RBX1: variants seen among roughly 807,000 people sequenced by gnomAD.
RBX1 encodes E3 ubiquitin-protein ligase RBX1.
For synonymous variants in RBX1, 48 were observed against 47.9 expected (o/e 1.00, Z -0.01); for missense variants, 46 against 141.4 (o/e 0.33, Z 3.42).
At chr22:40,964,421 T>A (rs1359375509) in intron 3 of RBX1, 1 of 265,030 alleles carries the variant, frequency 3.8e-6, no homozygotes, top group Non-Finnish European at 7.4e-6. Flanking sequence ...TTTGGAATAT[T>A]CTCGTGGTAG....
intron 3 of RBX1, 123 bp from the exon 4 acceptor site, chr22:40,967,676 T>G: frequency 1.5e-6 from 1 of 658,636 alleles, no homozygotes; most frequent in Non-Finnish European, 2.6e-6. Context: ...TTGCCTCTCG[T>G]TGTCTTCTTT....
intron 4 of RBX1, among the ~76,000 whole-genome samples, chr22:40,969,184 A>G (rs1394916520): frequency 6.6e-6 from 1 of 152,032 alleles, no homozygotes; most frequent in East Asian, 1.9e-4. Flanking sequence ...GTGGGGGCAC[A>G]TACCTGTAAT....
At chr22:40,966,340 G>A (rs1225912058) in intron 3 of RBX1, 3 of 152,156 alleles carry the variant, frequency 2.0e-5, no homozygotes, top group Non-Finnish European at 2.9e-5. Context: ...TCCCCAGCGC[G>A]TGGTATGCTC....
At chr22:40,962,436 C>G (rs1261741962) in intron 2 of RBX1, among the ~76,000 whole-genome samples, 5 of 150,858 alleles carry the variant, frequency 3.3e-5, no homozygotes, top group African/African-American at 1.2e-4. Flanking sequence ...CATGGTATCT[C>G]TTCCCCTAAA....
chr22:40,955,167 C>A (rs1350519655), intron 2 of RBX1, among the ~76,000 whole-genome samples: 1 of 152,158 alleles, frequency 6.6e-6, no homozygotes, highest in African/African-American at 2.4e-5. Flanking sequence ...ATATTCTTCA[C>A]CTCTTCTCTT....
In RBX1 at chr22:40,951,407, A is replaced by G. The variant is rs148852009; in HGVS notation, c.9A>G (p.Ala3=). MA[A]AMDVDTPSGT... ...GACCGTGTGTTTCCAAAATGGCGGC[A>G]GCGATGGATGTGGATACCCCGAGCG... The change falls in exon 1 of 5, where the codon GCA becomes GCG. Residue 3 remains alanine (A), a synonymous_variant. Coordinates refer to ENST00000216225, the MANE Select transcript of RBX1 (RefSeq NM_014248.4). 23 of 1,612,716 alleles carry G rather than the reference A, an allele frequency of 1.4e-5. No homozygotes were observed. Among genetic ancestry groups the G allele is most frequent in the Non-Finnish European group, 1.7e-5 (20 of 1,179,290 alleles).
chr22:40,964,506 T>C (rs2058348745), intron 3 of RBX1: 1 of 191,010 alleles, frequency 5.2e-6, no homozygotes, highest in Non-Finnish European at 1.1e-5. Context: ...GTAAATTGAG[T>C]GTTGAAGTCT....
intron 3 of RBX1, chr22:40,966,893 GGGAGAAGTGCTCAT>G (rs2146302919): frequency 1.3e-5 from 2 of 152,266 alleles, no homozygotes; most frequent in Admixed American, 1.3e-4. Flanking sequence ...CATGAGCAGG[GGGAGAAGTGCTCAT>G]TGCAGAAGCA....
chr22:40,955,832 T>C (rs1295344900), intron 2 of RBX1, among the ~76,000 whole-genome samples: 3 of 152,206 alleles, frequency 2.0e-5, no homozygotes, highest in Non-Finnish European at 4.4e-5. Context: ...CTCTTCACAC[T>C]ACAGCCAAGG....
chr22:40,963,942 A>T, intron 2 of RBX1, 105 bp from the exon 3 acceptor site: 1 of 818,648 alleles, frequency 1.2e-6, no homozygotes, highest in Non-Finnish European at 2.1e-6. Context: ...CATTCATTAA[A>T]AAACAATTAT....
intron 1 of RBX1, among the ~76,000 whole-genome samples, chr22:40,952,983 CTT>C (rs34618218): frequency 4.8e-4 from 42 of 86,894 alleles, no homozygotes; most frequent in East Asian, 3.0e-3. Flanking sequence ...AGTTTGTGCC[CTT>C]TTTTTTTTTT....
intron 3 of RBX1, chr22:40,966,865 C>T (rs932711235): frequency 6.6e-6 from 1 of 152,176 alleles, no homozygotes; most frequent in East Asian, 1.9e-4. Flanking sequence ...GCACTTGCTG[C>T]GTCTGTCCTA....
chr22:40,962,385 A>G (rs773017406), intron 2 of RBX1, among the ~76,000 whole-genome samples: 57 of 151,750 alleles, frequency 3.8e-4, no homozygotes, highest in Non-Finnish European at 7.6e-4. Flanking sequence ...TGCCCGGCCC[A>G]CTTTCCACAT....
intron 2 of RBX1, among the ~76,000 whole-genome samples, chr22:40,957,080 G>T (rs1439011011): frequency 6.6e-6 from 1 of 151,782 alleles, no homozygotes; most frequent in Non-Finnish European, 1.5e-5. Flanking sequence ...GGGCGCGGTG[G>T]CTCATGCCTG....
At chr22:40,961,671 T>C (rs916682189) in intron 2 of RBX1, among the ~76,000 whole-genome samples, 3 of 152,150 alleles carry the variant, frequency 2.0e-5, no homozygotes, top group Non-Finnish European at 4.4e-5. Context: ...CCCAAAACGC[T>C]GGGATTATAG....
intron 2 of RBX1, among the ~76,000 whole-genome samples, chr22:40,959,310 A>T (rs2058333708): frequency 6.6e-6 from 1 of 152,162 alleles, no homozygotes. Context: ...TTCTGGGTTG[A>T]CAGTGAACAG....
intron 2 of RBX1, among the ~76,000 whole-genome samples, chr22:40,955,906 C>T (rs887245584): frequency 6.6e-6 from 1 of 152,162 alleles, no homozygotes; most frequent in Non-Finnish European, 1.5e-5. Context: ...AAAACATATG[C>T]AGGGTTTCAA....
chr22:40,971,322 G>A (rs1396694178), intron 4 of RBX1, among the ~76,000 whole-genome samples: 2 of 152,058 alleles, frequency 1.3e-5, no homozygotes, highest in Non-Finnish European at 2.9e-5. Context: ...ACATGCTAGA[G>A]CCTAACCTAT....
chr22:40,953,772 GGTGT>G, intron 2 of RBX1, 139 bp downstream of exon 2: 1 of 620,450 alleles, frequency 1.6e-6, no homozygotes, highest in Non-Finnish European at 3.0e-6. Context: ...CTAGTCTGTT[GGTGT>G]GTTTGAAATA....
Sources: allele counts gnomAD v4.1 joint callset (sites outside exome capture counted in the v4.1 genomes callset), GRCh38; gene constraint gnomAD v4.1.1; transcripts MANE v1.5; gene names NCBI Gene and HGNC (gene_info 2026-07-23, HGNC 2026-07-21).